The following ANKRD44 variants were observed in gnomAD, a reference collection of about 807,000 sequenced individuals.
ANKRD44 encodes the protein ankyrin repeat domain 44, also known as serine/threonine-protein phosphatase 6 regulatory ankyrin repeat subunit B.
In ANKRD44, 35 loss-of-function variants were observed where a neutral mutation model predicts 116.0. That is an observed-to-expected ratio of 0.30 (90% CI 0.23 to 0.40). ANKRD44 has a LOEUF of 0.40. Among genes scored for constraint, ANKRD44 ranks in the 10% least tolerant of loss-of-function variants. ANKRD44 has a pLI of 1.00. For synonymous variants in ANKRD44, 435 were observed against 461.8 expected (o/e 0.94, Z 0.74); for missense variants, 1,014 against 1,242.6 (o/e 0.82, Z 2.77).
intron 2 of ANKRD44, among the ~76,000 whole-genome samples, chr2:197,178,878 T>C (rs1414481861): frequency 6.6e-6 from 1 of 152,230 alleles, no homozygotes; most frequent in Non-Finnish European, 1.5e-5. Flanking sequence ...CAATGCCATT[T>C]ATTAAATAAT....
At chr2:196,984,259 G>A (rs373878484), downstream of ANKRD44, among the ~76,000 whole-genome samples, 21 of 152,152 alleles carry the variant, frequency 1.4e-4, no homozygotes, top group East Asian at 4.1e-3. Context: ...TCTCCCTGGC[G>A]CTTGGAACTA....
At position 197,173,571 on chromosome 2, in the gene ANKRD44, A is replaced by C. The variant is rs1246649645; in HGVS notation, c.111+13452T>G. On this transcript the variant is annotated intron_variant, in intron 2 of 27. Coordinates refer to ENST00000282272, the MANE Select transcript of ANKRD44 (RefSeq NM_001195144.2). ...TTGTTCTCTAGTTTCCCTGCTTGAG[A>C]GAAAAACTATCAAGGTTTTCTAATA... is the stretch of plus-strand genomic sequence containing the variant. Among the ~76,000 whole-genome samples the C allele has an allele frequency of 4.6e-5, 7 of 152,206 alleles. No homozygotes were observed. The East Asian group carries it at 1.3e-3, about 29-fold the overall frequency.
intron 8 of ANKRD44, among the ~76,000 whole-genome samples, chr2:197,118,639 G>GAAAGAAAGAAAGAAAGAAAA (rs1559077695): frequency 1.5e-5 from 2 of 135,808 alleles, no homozygotes. Flanking sequence ...GAGAGAGAGA[G>GAAAGAAAGAAAGAAAGAAAA]AAAGAAAGAA....
At chr2:196,983,578 C>T (rs2075817706), downstream of ANKRD44, among the ~76,000 whole-genome samples, 1 of 152,164 alleles carries the variant, frequency 6.6e-6, no homozygotes, top group African/African-American at 2.4e-5. Flanking sequence ...AAATAAAGTT[C>T]ACGAATTTGC....
chr2:197,260,553 G>A (rs972441149), intron 1 of ANKRD44, among the ~76,000 whole-genome samples: 1 of 152,030 alleles, frequency 6.6e-6, no homozygotes, highest in Non-Finnish European at 1.5e-5. Flanking sequence ...ACGTGTGCAT[G>A]TGTCTTTATA....
chr2:197,146,953 G>A (rs961697879), intron 3 of ANKRD44, 74 bp downstream of exon 3: 1 of 1,354,548 alleles, frequency 7.4e-7, no homozygotes, highest in Non-Finnish European at 1.0e-6. Flanking sequence ...TGGGTTCACT[G>A]TAGTAGTCAA....
intron 2 of ANKRD44, among the ~76,000 whole-genome samples, chr2:197,165,297 G>A (rs1304051400): frequency 1.3e-5 from 2 of 152,216 alleles, no homozygotes; most frequent in Admixed American, 6.5e-5. Context: ...TCCCATGACT[G>A]GAGATGCTCA....
chr2:197,293,459 G>C (rs996386149), intron 1 of ANKRD44, among the ~76,000 whole-genome samples: 2 of 152,184 alleles, frequency 1.3e-5, no homozygotes, highest in Non-Finnish European at 2.9e-5. Flanking sequence ...CCCACTCCAT[G>C]TAAGCAGGAA....
intron 1 of ANKRD44, among the ~76,000 whole-genome samples, chr2:197,217,323 A>C (rs2081472183): frequency 6.6e-6 from 1 of 152,182 alleles, no homozygotes; most frequent in African/African-American, 2.4e-5. Context: ...GCCATCTTTT[A>C]AGGCTCAAAA....
At chr2:197,009,408 C>T (rs1574266529) in intron 18 of ANKRD44, among the ~76,000 whole-genome samples, 2 of 149,770 alleles carry the variant, frequency 1.3e-5, no homozygotes, top group East Asian at 4.0e-4. Context: ...CAGAATCTCA[C>T]TCTGTCGTCC....
At chr2:196,990,153 G>T in intron 27 of ANKRD44, 1 of 986,192 alleles carries the variant, frequency 1.0e-6, no homozygotes. Flanking sequence ...TAAATAGTTG[G>T]ACTCTCTAAA....
chr2:197,023,963 G>A (rs572963660), intron 17 of ANKRD44, among the ~76,000 whole-genome samples: 11 of 152,312 alleles, frequency 7.2e-5, no homozygotes, highest in Middle Eastern at 3.4e-3. Flanking sequence ...GTGTATGAGC[G>A]TGTAGTGGGT....
rs1021289159 is a variant in ANKRD44, at chr2:197,187,062, G to A, written c.72C>T (p.Ile24=). The A allele has an allele frequency of 1.9e-6, 3 of 1,613,994 alleles. No individual in the cohort carries two copies. Among genetic ancestry groups the A allele is most frequent in the African/African-American group, 2.7e-5 (2 of 74,892 alleles). The change falls in exon 2 of 28, where the codon ATC becomes ATT. Residue 24 remains isoleucine, a synonymous_variant. Transcript: ENST00000282272. ...QAIFSGDPEE[I]RMLIHKTEDV... Reference sequence around the variant, plus strand: ...CTTCAGTTTTATGGATGAGCATCCGGATCTCCTCTGGATCACCGCTGAAGA... The same window carrying A: ...CTTCAGTTTTATGGATGAGCATCCGAATCTCCTCTGGATCACCGCTGAAGA...
chr2:197,048,425 T>C (rs2077044230), intron 16 of ANKRD44, among the ~76,000 whole-genome samples: 1 of 152,100 alleles, frequency 6.6e-6, no homozygotes, highest in Non-Finnish European at 1.5e-5. Context: ...CACCTATGAG[T>C]GAGAACATGC....
chr2:196,968,853 CT>C (rs1471181804), intron 21 of ANKRD44, among the ~76,000 whole-genome samples: 3 of 152,226 alleles, frequency 2.0e-5, no homozygotes, highest in Non-Finnish European at 2.9e-5. Flanking sequence ...GCAGGCCCCC[CT>C]GTCTATATTC....
intron 1 of ANKRD44, among the ~76,000 whole-genome samples, chr2:197,253,402 T>C (rs2082366613): frequency 6.6e-6 from 1 of 152,186 alleles, no homozygotes; most frequent in Non-Finnish European, 1.5e-5. Flanking sequence ...TATTCAATAA[T>C]GTCAATGTCC....
intron 1 of ANKRD44, chr2:197,263,456 C>T (rs2082662420): frequency 2.0e-6 from 1 of 495,232 alleles, no homozygotes; most frequent in Non-Finnish European, 3.7e-6. Flanking sequence ...TTCTCCTACA[C>T]CATTCTAGGC....
At chr2:197,263,283 G>A in intron 1 of ANKRD44, 2 of 626,914 alleles carry the variant, frequency 3.2e-6, no homozygotes, top group East Asian at 3.5e-5. Context: ...CCTGGCCGCA[G>A]CTTGGAAAGC....
intron 1 of ANKRD44, among the ~76,000 whole-genome samples, chr2:197,200,745 A>G (rs1378379802): frequency 6.6e-6 from 1 of 152,196 alleles, no homozygotes; most frequent in Non-Finnish European, 1.5e-5. Flanking sequence ...GAATAACATG[A>G]AAGAAAGCAA....
Sources: allele counts gnomAD v4.1 joint callset (sites outside exome capture counted in the v4.1 genomes callset), GRCh38; gene constraint gnomAD v4.1.1; transcripts MANE v1.5; gene names NCBI Gene and HGNC (gene_info 2026-07-23, HGNC 2026-07-21).